ABCC6: variants seen among roughly 807,000 people sequenced by gnomAD.
ABCC6 encodes ATP-binding cassette sub-family C member 6.
A neutral mutation model predicts 169.5 loss-of-function variants in ABCC6; 126 were observed. The ratio of observed to expected loss-of-function variants is 0.74; its 90% CI spans 0.64 to 0.86. ABCC6 has a LOEUF of 0.86. Among genes scored for constraint, ABCC6 ranks in the 40% least tolerant of loss-of-function variants. The probability of loss-of-function intolerance (pLI) is 0.00; values close to 1 mark genes in which losing one functional copy is unlikely to be tolerated. For missense variants in ABCC6, 1,733 were observed against 1,927.2 expected (o/e 0.90, Z 1.89); for synonymous variants, 752 against 814.7 (o/e 0.92, Z 1.31).
intron 30 of ABCC6, 89 bp downstream of exon 30, chr16:16,150,489 C>T (rs2046355297): frequency 3.3e-6 from 5 of 1,527,838 alleles, no homozygotes; most frequent in Middle Eastern, 2.3e-4. Flanking sequence ...CCAGCTCTAA[C>T]CCGAAGCCCA....
chr16:16,215,503 T>G (rs2856589), intron 4 of ABCC6, among the ~76,000 whole-genome samples: 35 of 151,058 alleles, frequency 2.3e-4, no homozygotes, highest in African/African-American at 6.1e-4. Flanking sequence ...AGACGGAGTC[T>G]TGCTTTGTCA....
intron 10 of ABCC6, 99 bp downstream of exon 10, chr16:16,197,922 G>T: frequency 7.3e-7 from 1 of 1,369,060 alleles, no homozygotes; most frequent in Non-Finnish European, 1.0e-6. Flanking sequence ...CCTCTTGAAT[G>T]CTAAGTCAGG....
chr16:16,182,671 C>T, intron 16 of ABCC6, 83 bp from the exon 17 acceptor site: 1 of 1,591,754 alleles, frequency 6.3e-7, no homozygotes. Context: ...GAGCTGGGCT[C>T]TCAGTGGTGG....
Position 16,150,082 on chromosome 16 carries a change from A to C in ABCC6, c.*51T>G. 3 of 1,608,346 alleles carry C rather than the reference A, an allele frequency of 1.9e-6. No homozygotes were observed. The highest frequency in any genetic ancestry group is 1.7e-6 in the Non-Finnish European group (2 of 1,178,330). ...ACCACGGGTCACTTCCATCTCCAGC[A>C]CTGCAGGCTGTGCGGGCTGGTCCAA... is the stretch of plus-strand genomic sequence containing the variant. On this transcript the variant is annotated 3_prime_UTR_variant, in exon 31 of 31. Coordinates refer to ENST00000205557, the MANE Select transcript of ABCC6 (RefSeq NM_001171.6).
chr16:16,154,632 G>T lies in ABCC6; in HGVS notation c.4204C>A (p.Leu1402Met), dbSNP rs746009029. Residue 1402 changes from leucine to methionine, a missense_variant, in exon 29 of 31, where the codon CTG becomes ATG. This residue lies in a region of ABCC6 where 1,601 missense variants were observed against 1,635.5 expected (regional missense o/e 0.98). Coordinates refer to ENST00000205557, the MANE Select transcript of ABCC6 (RefSeq NM_001171.6). ...GCCATGGTGGGACGACCATACCTCA[G>T]GTCCTCGCCTCGGTCAGCACACTTG... ...QYKCADRGED[L>M]SVGQKQLLCL... The T allele has an allele frequency of 6.2e-7, 1 of 1,612,014 alleles. No individual in the cohort carries two copies. Among genetic ancestry groups the T allele is most frequent in the Non-Finnish European group, 8.5e-7 (1 of 1,179,994 alleles).
At chr16:16,211,072 G>T (rs2048597916) in intron 6 of ABCC6, among the ~76,000 whole-genome samples, 1 of 150,146 alleles carries the variant, frequency 6.7e-6, no homozygotes, top group Non-Finnish European at 1.5e-5. Flanking sequence ...TGCAGCCTGG[G>T]CAACAAGAGT....
intron 7 of ABCC6, among the ~76,000 whole-genome samples, chr16:16,206,461 C>T (rs1266828944): frequency 4.6e-5 from 7 of 151,808 alleles, no homozygotes; most frequent in South Asian, 2.1e-4. Flanking sequence ...GGAGAAACCC[C>T]GCCTCTAATA....
chr16:16,205,512 C>T lies in ABCC6; in HGVS notation c.795-1899G>A, dbSNP rs561590489. On this transcript the variant is annotated intron_variant, in intron 7 of 30. Coordinates refer to ENST00000205557, the MANE Select transcript of ABCC6 (RefSeq NM_001171.6). ...AAGGTCTCTGTCCCACATTATTGGT[C>T]TGATCTGGTGTTTGGTTTGGCATCT... Among the ~76,000 whole-genome samples the T allele has an allele frequency of 1.1e-4, 16 of 152,180 alleles. No homozygotes were observed. The South Asian group carries it at 1.5e-3, about 14-fold the overall frequency.
intron 21 of ABCC6, chr16:16,172,942 T>A: frequency 2.9e-6 from 1 of 349,734 alleles, no homozygotes; most frequent in Admixed American, 4.3e-5. Flanking sequence ...CTTGAGAGAC[T>A]GAGGTAGGAG....
Position 16,163,157 on chromosome 16 carries a change from G to C in ABCC6, c.3342C>G (p.Arg1114=). Residue 1114 remains arginine (R), a synonymous_variant, in exon 24 of 31, where the codon CGC becomes CGG. Coordinates refer to ENST00000205557, the MANE Select transcript of ABCC6 (RefSeq NM_001171.6). ...LYVVSSCQLR[R]LESASYSSVC... is the part of the protein sequence containing the mutation. ...CAGACGAGTAGCTGGCTGACTCCAA[G>C]CGTCTCAGCTGGCATGAGCTAACCA... The C allele has an allele frequency of 6.2e-7, 1 of 1,613,720 alleles. No individual in the cohort carries two copies. The highest frequency in any genetic ancestry group is 1.3e-5 in the African/African-American group (1 of 75,054).
Position 16,154,735 on chromosome 16 carries a change from C to T in ABCC6, c.4101G>A (p.Ser1367=), listed in dbSNP as rs200834294. ...CCAGGGCTGCCCAGATAGCCTCGTC[C>T]GAGTGCTCCTGCAGCAGGTCGAGGT... ...RMNLDLLQEH[S]DEAIWAALET... Residue 1367 remains serine (S), a synonymous_variant, in exon 29 of 31, where the codon TCG becomes TCA. Coordinates refer to ENST00000205557, the MANE Select transcript of ABCC6 (RefSeq NM_001171.6). 3.3e-4 allele frequency: 529 copies of T among 1,613,276 alleles called. 5 individuals carry two copies. The highest frequency in any genetic ancestry group is 7.0e-4 in the South Asian group (64 of 90,890).
intron 13 of ABCC6, among the ~76,000 whole-genome samples, 173 bp downstream of exon 13, chr16:16,188,658 T>C (rs2047735071): frequency 6.6e-6 from 1 of 152,192 alleles, no homozygotes; most frequent in African/African-American, 2.4e-5. Context: ...TTTGCTGTAC[T>C]CTCTGCCCGC....
At position 16,169,980 on chromosome 16, in the gene ABCC6, T is replaced by C. The variant is rs7201980; in HGVS notation, c.2788-127A>G. On this transcript the variant is annotated intron_variant, in intron 21 of 30. Coordinates refer to ENST00000205557, the MANE Select transcript of ABCC6 (RefSeq NM_001171.6). The stretch of plus-strand genomic sequence containing the variant: ...GATGGGACCACCACGCAGACCTCAC[T>C]GGTTCTCCCGCTGTGCCTCCCACCA... 0.99 allele frequency: 942,960 copies of C among 948,416 alleles called. 468,952 individuals carry two copies. Among genetic ancestry groups the C allele is most frequent in the East Asian group, 1 (38,169 of 38,176 alleles). 58.8% of individuals were successfully genotyped at this position (948,416 alleles called of 1,614,324 possible). A position where few individuals can be genotyped will look rare whatever the true frequency, so the allele number is the denominator to read the frequency against.
At chr16:16,187,058 A>G (rs2047673391) in intron 14 of ABCC6, 66 bp downstream of exon 14, 9 of 1,412,944 alleles carry the variant, frequency 6.4e-6, no homozygotes, top group Non-Finnish European at 8.9e-6. Flanking sequence ...GCTTGCCATT[A>G]TGGGCTGGGG....
Position 16,157,709 on chromosome 16 carries a change from G to A in ABCC6, c.3836C>T (p.Pro1279Leu), listed in dbSNP as rs77913024. 2.2e-5 allele frequency: 35 copies of A among 1,613,980 alleles called. No homozygotes were observed. The highest frequency in any genetic ancestry group is 1.7e-4 in the African/African-American group (13 of 74,970). The change falls in exon 27 of 31, where the codon CCG becomes CTG. Residue 1279 changes from proline to leucine, a missense_variant. Coordinates refer to ENST00000205557, the MANE Select transcript of ABCC6 (RefSeq NM_001171.6). The part of the protein sequence containing the change: ...DFGLRYRPEL[P>L]LAVQGVSFKI... ...GAAGGACACGCCCTGCACAGCCAGC[G>A]GGAGCTCAGGTCGGTATCTTAGCCC... is the stretch of plus-strand genomic sequence containing the variant.
At chr16:16,178,775 C>A in intron 18 of ABCC6, 23 bp downstream of exon 18, 1 of 1,613,814 alleles carries the variant, frequency 6.2e-7, no homozygotes. Flanking sequence ...CCTGTACTGT[C>A]TGACACATGT....
chr16:16,177,522 A>C lies in ABCC6; in HGVS notation c.2520T>G (p.Leu840=), dbSNP rs755811789. 1.9e-6 allele frequency: 3 copies of C among 1,614,010 alleles called. No homozygotes were observed. In the South Asian group the frequency reaches 3.3e-5, roughly 18 times the overall value. The part of the protein sequence containing the change: ...AIAEMGSYQE[L]LQRKGALMCL... ...ACATGAGGGCCCCCTTCCTCTGCAG[A>C]AGCTCCTGGTAGGAACCCATCTCTG... The change falls in exon 19 of 31, where the codon CTT becomes CTG. Residue 840 remains leucine (L), a synonymous_variant. Coordinates refer to ENST00000205557, the MANE Select transcript of ABCC6 (RefSeq NM_001171.6).
In ABCC6 at chr16:16,169,870, G is replaced by A. The variant is rs546126168; in HGVS notation, c.2788-17C>T. The A allele has an allele frequency of 6.4e-7, 1 of 1,550,480 alleles. No individual in the cohort carries two copies. Among genetic ancestry groups the A allele is most frequent in the African/African-American group, 1.4e-5 (1 of 73,148 alleles). On this transcript the variant is annotated splice_polypyrimidine_tract_variant and intron_variant, in intron 21 of 30. Transcript: ENST00000205557. ...GGCCTTCACCTGTAGCACACATGAGGGAGAGGGAGGCAGAGAGAGCCCCCA... is the reference window on the plus strand; with the variant it reads ...GGCCTTCACCTGTAGCACACATGAGAGAGAGGGAGGCAGAGAGAGCCCCCA...
At chr16:16,197,537 G>A (rs2048085754) in intron 10 of ABCC6, among the ~76,000 whole-genome samples, 1 of 150,260 alleles carries the variant, frequency 6.7e-6, no homozygotes, top group Non-Finnish European at 1.5e-5. Flanking sequence ...AAGGGAGAAG[G>A]GAAGAAGTGG....
Sources: gnomAD v4.1 joint callset for allele counts (sites outside exome capture counted in the v4.1 genomes callset) on GRCh38, gnomAD v4.1.1 for gene constraint, gnomAD v4.1.1 regional missense constraint, MANE v1.5 for transcripts, NCBI Gene and HGNC (gene_info 2026-07-23, HGNC 2026-07-21) for gene names.